ZNF267: variants seen among roughly 807,000 people sequenced by gnomAD.
ZNF267 encodes the protein zinc finger (C2H2).
A neutral mutation model predicts 71.6 loss-of-function variants in ZNF267; 61 were observed. The ratio of observed to expected loss-of-function variants is 0.85; its 90% CI spans 0.69 to 1.05. ZNF267 has a LOEUF of 1.05. Ranked by LOEUF, ZNF267 falls within the 50% of genes least tolerant of loss-of-function variation. The probability of loss-of-function intolerance (pLI) is 0.00; values close to 1 mark genes in which losing one functional copy is unlikely to be tolerated. For missense variants in ZNF267, 852 were observed against 870.0 expected (o/e 0.98, Z 0.26); for synonymous variants, 288 against 293.2 (o/e 0.98, Z 0.18).
intron 3 of ZNF267, among the ~76,000 whole-genome samples, chr16:31,892,893 G>A (rs2083971156): frequency 6.6e-6 from 1 of 152,224 alleles, no homozygotes; most frequent in African/African-American, 2.4e-5. Context: ...TTTTTCAGGT[G>A]TCCAGTGCAA....
chr16:31,890,807 G>A (rs566228279), intron 3 of ZNF267, among the ~76,000 whole-genome samples: 1 of 152,224 alleles, frequency 6.6e-6, no homozygotes, highest in African/African-American at 2.4e-5. Flanking sequence ...AATTCATGAG[G>A]GCAGAGTCCC....
intron 3 of ZNF267, among the ~76,000 whole-genome samples, chr16:31,896,232 C>G (rs966650592): frequency 1.3e-5 from 2 of 152,122 alleles, no homozygotes; most frequent in Non-Finnish European, 2.9e-5. Context: ...AGGATGCCCT[C>G]GATTCCTGAC....
At chr16:31,879,559 A>G (rs922404036) in intron 1 of ZNF267, among the ~76,000 whole-genome samples, 1 of 152,122 alleles carries the variant, frequency 6.6e-6, no homozygotes, top group Non-Finnish European at 1.5e-5. Context: ...GTAAGACTTC[A>G]CTCCAGTGGG....
Position 31,908,678 on chromosome 16 carries a change from C to G in ZNF267, c.227-5798C>G, listed in dbSNP as rs905875575. 7.9e-5 allele frequency among the ~76,000 whole-genome samples: 12 copies of G among 151,800 alleles called. No individual in the cohort carries two copies. The East Asian group carries it at 2.1e-3, about 27-fold the overall frequency. On this transcript the variant is annotated intron_variant, in intron 3 of 3. Coordinates refer to ENST00000300870, the MANE Select transcript of ZNF267 (RefSeq NM_003414.6). Reference sequence around the variant, plus strand: ...CACTGGTTATTGAAAAAAAACTGTCCTTTCTCTAGTGTATGTTCTTAACAT... The same window carrying G: ...CACTGGTTATTGAAAAAAAACTGTCGTTTCTCTAGTGTATGTTCTTAACAT...
At chr16:31,885,053 G>A (rs948617875) in intron 2 of ZNF267, 108 bp from the exon 3 acceptor site, 2 of 814,774 alleles carry the variant, frequency 2.5e-6, no homozygotes, top group Non-Finnish European at 3.7e-6. Flanking sequence ...ACTGAGCACA[G>A]TACTAAGTTA....
chr16:31,880,997 G>A (rs1367638148), intron 1 of ZNF267, among the ~76,000 whole-genome samples: 1 of 152,154 alleles, frequency 6.6e-6, no homozygotes, highest in Admixed American at 6.5e-5. Context: ...TTGGGACACT[G>A]CCCTTATGTT....
Position 31,916,262 on chromosome 16 carries a change from T to C in ZNF267, c.2013T>C (p.Ser671=). 6.2e-7 allele frequency: 1 copy of C among 1,614,136 alleles called. No homozygotes were observed. The highest frequency in any genetic ancestry group is 8.5e-7 in the Non-Finnish European group (1 of 1,180,008). Residue 671 remains serine (S), a synonymous_variant, in exon 4 of 4, where the codon TCT becomes TCC. Coordinates refer to ENST00000300870, the MANE Select transcript of ZNF267 (RefSeq NM_003414.6). ...AAGAATGTGGCAAAGCCTTCAACTCTAGGTCATACCTCACTACACATCGGA... is the reference window on the plus strand; with the variant it reads ...AAGAATGTGGCAAAGCCTTCAACTCCAGGTCATACCTCACTACACATCGGA... ...KCEECGKAFN[S]RSYLTTHRRR... is the part of the protein sequence containing the mutation.
In ZNF267 at chr16:31,894,745, T is replaced by G. The variant is rs1341250108; in HGVS notation, c.226+9489T>G. On this transcript the variant is annotated intron_variant, in intron 3 of 3. Transcript: ENST00000300870. Reference sequence around the variant, plus strand: ...ATGCTCTAATAGTAGCCTGGTGGTGTTCCTTTCTGCTTTCATTTTTCAGCA... The same window carrying G: ...ATGCTCTAATAGTAGCCTGGTGGTGGTCCTTTCTGCTTTCATTTTTCAGCA... The G allele has an allele frequency of 6.1e-6, 3 of 488,066 alleles. No homozygotes were observed. In the Admixed American group the frequency reaches 7.2e-5, roughly 12 times the overall value. 30.2% of individuals were successfully genotyped at this position (488,066 alleles called of 1,614,324 possible). A position where few individuals can be genotyped will look rare whatever the true frequency, so the allele number is the denominator to read the frequency against.
intron 1 of ZNF267, among the ~76,000 whole-genome samples, chr16:31,879,681 G>A (rs549509892): frequency 2.7e-4 from 41 of 152,220 alleles, no homozygotes; most frequent in Non-Finnish European, 4.7e-4. Context: ...ATCTTCAGTC[G>A]CTTCTAGAAT....
At chr16:31,897,942 T>C (rs1281186407) in intron 3 of ZNF267, among the ~76,000 whole-genome samples, 1 of 152,184 alleles carries the variant, frequency 6.6e-6, no homozygotes, top group Non-Finnish European at 1.5e-5. Context: ...TATTTTGCTG[T>C]TGTTGGGTGA....
chr16:31,876,399 A>G (rs1414823767), intron 1 of ZNF267, among the ~76,000 whole-genome samples: 1 of 151,522 alleles, frequency 6.6e-6, no homozygotes, highest in African/African-American at 2.4e-5. Context: ...TTCTTTTTGT[A>G]AAGATGTGGG....
At chr16:31,894,476 GTTGT>G in intron 3 of ZNF267, 1 of 455,766 alleles carries the variant, frequency 2.2e-6, no homozygotes. Flanking sequence ...TGACTATTCT[GTTGT>G]TTAAGAATCA....
intron 3 of ZNF267, among the ~76,000 whole-genome samples, chr16:31,899,072 C>T (rs1283340231): frequency 1.3e-5 from 2 of 152,152 alleles, no homozygotes; most frequent in Non-Finnish European, 2.9e-5. Context: ...CTTAGACTCA[C>T]ACACAATAAT....
chr16:31,873,888 C>G lies in ZNF267; in HGVS notation c.-79C>G, dbSNP rs139850426. 3.0e-4 allele frequency: 485 copies of G among 1,601,144 alleles called. 2 individuals are homozygous for G. Among genetic ancestry groups the G allele is most frequent in the Admixed American group, 5.8e-4 (35 of 59,980 alleles). On this transcript the variant is annotated 5_prime_UTR_variant, in exon 1 of 4. Coordinates refer to ENST00000300870, the MANE Select transcript of ZNF267 (RefSeq NM_003414.6). ...GGCGGCTTCGCGTTCTGAGAATAAACAGAACCTCTGTTGCTCTGCGACTTG... is the reference window on the plus strand; with the variant it reads ...GGCGGCTTCGCGTTCTGAGAATAAAGAGAACCTCTGTTGCTCTGCGACTTG...
chr16:31,914,467 A>T lies in ZNF267; in HGVS notation c.227-9A>T. The stretch of plus-strand genomic sequence containing the variant: ...TAATTGGAATTCTTAAAATTTTTAT[A>T]TCTTTCAGATGTGTTTTCGCATTAT... On this transcript the variant is annotated splice_polypyrimidine_tract_variant and intron_variant, in intron 3 of 3. Transcript: ENST00000300870. 6.5e-7 allele frequency: 1 copy of T among 1,547,168 alleles called. No individual in the cohort carries two copies. The highest frequency in any genetic ancestry group is 8.7e-7 in the Non-Finnish European group (1 of 1,151,414).
chr16:31,904,493 A>G (rs1344972281), intron 3 of ZNF267, among the ~76,000 whole-genome samples: 1 of 152,244 alleles, frequency 6.6e-6, no homozygotes, highest in Admixed American at 6.5e-5. Flanking sequence ...ATATATATTT[A>G]GGATAGTTAG....
At chr16:31,874,218 T>A (rs1453203593) in intron 1 of ZNF267, 2 of 475,426 alleles carry the variant, frequency 4.2e-6, no homozygotes, top group Non-Finnish European at 7.5e-6. Context: ...CGGAGCCCTC[T>A]CTGGGCAGCT....
At chr16:31,876,017 A>ATGC (rs1187240615) in intron 1 of ZNF267, among the ~76,000 whole-genome samples, 1 of 152,194 alleles carries the variant, frequency 6.6e-6, no homozygotes, top group East Asian at 1.9e-4. Flanking sequence ...CCTTTTGGAA[A>ATGC]TGCTGCCAGG....
intron 3 of ZNF267, among the ~76,000 whole-genome samples, chr16:31,907,061 G>C (rs761843785): frequency 6.6e-6 from 1 of 151,942 alleles, no homozygotes; most frequent in Admixed American, 6.6e-5. Flanking sequence ...TTTTTGCTGA[G>C]ACATCTGTTG....
Sources: gnomAD v4.1 joint callset for allele counts (sites outside exome capture counted in the v4.1 genomes callset) on GRCh38, gnomAD v4.1.1 for gene constraint, MANE v1.5 for transcripts, NCBI Gene and HGNC (gene_info 2026-07-23, HGNC 2026-07-21) for gene names.